Variants in KCND2 observed in about 807,000 individuals in gnomAD.
The protein encoded by KCND2 is potassium voltage-gated channel subfamily D member 2.
In KCND2, 16 loss-of-function variants were observed where a neutral mutation model predicts 54.4. That is an observed-to-expected ratio of 0.29 (90% CI 0.20 to 0.45). The LOEUF is 0.45. Among genes scored for constraint, KCND2 ranks in the 20% least tolerant of loss-of-function variants. The pLI, the probability that KCND2 is intolerant of heterozygous loss-of-function variation, is 1.00. For synonymous variants in KCND2, 317 were observed against 310.7 expected (o/e 1.02, Z -0.21); for missense variants, 486 against 824.2 (o/e 0.59, Z 5.02).
intron 1 of KCND2, among the ~76,000 whole-genome samples, chr7:120,723,661 T>C (rs889862135): frequency 2.0e-5 from 3 of 152,126 alleles, no homozygotes; most frequent in African/African-American, 7.2e-5. Flanking sequence ...TAGACTGTAG[T>C]ACACTATGAC....
At chr7:120,485,485 T>C (rs1172253384) in intron 1 of KCND2, among the ~76,000 whole-genome samples, 1 of 152,026 alleles carries the variant, frequency 6.6e-6, no homozygotes, top group Non-Finnish European at 1.5e-5. Context: ...ATATGCCCGG[T>C]TTTTCACAAA....
rs144599261 is a variant in KCND2, at chr7:120,370,550, A to G, written c.1115+94803A>G. 1.3e-3 allele frequency among the ~76,000 whole-genome samples: 197 copies of G among 152,140 alleles called. 1 individual carries two copies. The highest frequency in any genetic ancestry group is 6.8e-3 in the Middle Eastern group (2 of 294). On this transcript the variant is annotated intron_variant, in intron 1 of 5. Coordinates refer to ENST00000331113, the MANE Select transcript of KCND2 (RefSeq NM_012281.3). ...ACATTCATAGCAAATAATAATAGTG[A>G]TATTAATGGTAAATAATGACATCCA...
chr7:120,394,679 C>T (rs1048567650), intron 1 of KCND2, among the ~76,000 whole-genome samples: 1 of 151,886 alleles, frequency 6.6e-6, no homozygotes, highest in African/African-American at 2.4e-5. Context: ...AACTAAATTT[C>T]TCCCATGGTT....
At chr7:120,689,956 A>AC (rs1247600051) in intron 1 of KCND2, among the ~76,000 whole-genome samples, 5 of 152,232 alleles carry the variant, frequency 3.3e-5, no homozygotes, top group African/African-American at 1.2e-4. Context: ...TCTCAAACCC[A>AC]TTTTGCCAGC....
chr7:120,720,448 C>G (rs1379547825), intron 1 of KCND2, among the ~76,000 whole-genome samples: 1 of 152,074 alleles, frequency 6.6e-6, no homozygotes, highest in Non-Finnish European at 1.5e-5. Context: ...CCCTGGGTTC[C>G]TGTTTGGTTA....
At chr7:120,655,535 A>G (rs1256997232) in intron 1 of KCND2, among the ~76,000 whole-genome samples, 1 of 152,114 alleles carries the variant, frequency 6.6e-6, no homozygotes, top group Non-Finnish European at 1.5e-5. Context: ...AGTTGTTTAT[A>G]TGCAGTAGTT....
chr7:120,274,602 G>A lies in KCND2; in HGVS notation c.-31G>A, dbSNP rs928796482. On this transcript the variant is annotated 5_prime_UTR_variant, in exon 1 of 6. Coordinates refer to ENST00000331113, the MANE Select transcript of KCND2 (RefSeq NM_012281.3). ...TTCGGTGACCCATTGTAGACGCCTC[G>A]TTACCCTTCTTCCTTCCGCTTCAAG... 8 of 1,613,920 alleles carry A rather than the reference G, an allele frequency of 5.0e-6. No homozygotes were observed. Among genetic ancestry groups the A allele is most frequent in the African/African-American group, 1.3e-5 (1 of 74,922 alleles).
intron 1 of KCND2, among the ~76,000 whole-genome samples, chr7:120,526,021 A>G (rs1308929251): frequency 6.6e-6 from 1 of 152,126 alleles, no homozygotes; most frequent in Non-Finnish European, 1.5e-5. Context: ...ACCACCTACA[A>G]GCATGGGATT....
intron 1 of KCND2, among the ~76,000 whole-genome samples, chr7:120,687,551 C>T (rs1792219137): frequency 6.6e-6 from 1 of 152,020 alleles, no homozygotes; most frequent in Non-Finnish European, 1.5e-5. Context: ...CATTGGGGCT[C>T]ATGCCTGTAA....
chr7:120,381,540 G>A (rs1800915453), intron 1 of KCND2, among the ~76,000 whole-genome samples: 1 of 151,904 alleles, frequency 6.6e-6, no homozygotes, highest in African/African-American at 2.4e-5. Flanking sequence ...TATAATGTGA[G>A]GAACAAAAGA....
chr7:120,471,899 G>T (rs1331990890), intron 1 of KCND2, among the ~76,000 whole-genome samples: 1 of 151,720 alleles, frequency 6.6e-6, no homozygotes, highest in South Asian at 2.1e-4. Flanking sequence ...ATTTTTAGAG[G>T]GGTGATGGTA....
intron 1 of KCND2, among the ~76,000 whole-genome samples, chr7:120,457,049 A>G (rs1802210200): frequency 6.6e-6 from 1 of 152,210 alleles, no homozygotes; most frequent in Non-Finnish European, 1.5e-5. Context: ...CTCTGGAGCA[A>G]TGGCCTGAGG....
At chr7:120,671,706 T>TA (rs898689664) in intron 1 of KCND2, among the ~76,000 whole-genome samples, 26 of 152,068 alleles carry the variant, frequency 1.7e-4, no homozygotes, top group African/African-American at 6.3e-4. Context: ...CATTCACCAC[T>TA]AAAAACTAGA....
In KCND2 at chr7:120,695,813, A is replaced by G. The variant is rs890025322; in HGVS notation, c.1116-37090A>G. Among the ~76,000 whole-genome samples the G allele has an allele frequency of 2.0e-5, 3 of 152,192 alleles. No homozygotes were observed. The East Asian group carries it at 5.8e-4, about 29-fold the overall frequency. On this transcript the variant is annotated intron_variant, in intron 1 of 5. Coordinates refer to ENST00000331113, the MANE Select transcript of KCND2 (RefSeq NM_012281.3). ...ATGATATAAGATTAATCAGAATGCA[A>G]AGTATCTCAAAGTAGAAGGACACTG... is the stretch of plus-strand genomic sequence containing the variant.
intron 1 of KCND2, among the ~76,000 whole-genome samples, chr7:120,506,777 T>C (rs1000035829): frequency 3.9e-5 from 6 of 151,994 alleles, no homozygotes; most frequent in African/African-American, 1.4e-4. Context: ...CTTTGCAGAA[T>C]TGAGATTTCT....
At chr7:120,339,870 A>G (rs964283117) in intron 1 of KCND2, among the ~76,000 whole-genome samples, 18 of 152,178 alleles carry the variant, frequency 1.2e-4, no homozygotes, top group Non-Finnish European at 2.1e-4. Context: ...GGAATATCTA[A>G]GCAGATATCT....
rs141339981 is a variant in KCND2 at position 120,505,376 on chromosome 7, A to G, written c.1116-227527A>G. Among the ~76,000 whole-genome samples, 32 of 151,970 alleles carry G rather than the reference A, an allele frequency of 2.1e-4. No individual in the cohort carries two copies. In the East Asian group the frequency reaches 6.0e-3, roughly 29 times the overall value. On this transcript the variant is annotated intron_variant, in intron 1 of 5. Coordinates refer to ENST00000331113, the MANE Select transcript of KCND2 (RefSeq NM_012281.3). Reference sequence around the variant, plus strand: ...CGGAGAAACAGAATTTGTATTTCCTATAGTAAAGCATTCAGTTGCAAATGA... The same window carrying G: ...CGGAGAAACAGAATTTGTATTTCCTGTAGTAAAGCATTCAGTTGCAAATGA...
chr7:120,672,837 A>T (rs1792009282), intron 1 of KCND2: 1 of 152,086 alleles, frequency 6.6e-6, no homozygotes, highest in South Asian at 2.1e-4. Flanking sequence ...ATCTCATTTG[A>T]CTGGTGTCCT....
At chr7:120,604,170 C>T (rs1404837821) in intron 1 of KCND2, among the ~76,000 whole-genome samples, 1 of 152,012 alleles carries the variant, frequency 6.6e-6, no homozygotes, top group Non-Finnish European at 1.5e-5. Flanking sequence ...AGTGAGTGTG[C>T]AAGGAAGTCC....
Sources: gnomAD v4.1 joint callset for allele counts (sites outside exome capture counted in the v4.1 genomes callset) on GRCh38, gnomAD v4.1.1 for gene constraint, MANE v1.5 for transcripts, NCBI Gene and HGNC (gene_info 2026-07-23, HGNC 2026-07-21) for gene names.